Variants in NRXN3 observed in about 807,000 individuals in gnomAD.
NRXN3 encodes the protein neurexin 3.
A neutral mutation model predicts 137.6 loss-of-function variants in NRXN3; 32 were observed. That is an observed-to-expected ratio of 0.23 (90% CI 0.18 to 0.31). The LOEUF (loss-of-function observed/expected upper bound fraction) is 0.31, where lower values mean the gene tolerates loss of function less well. Ranked by LOEUF, NRXN3 falls within the 10% of genes least tolerant of loss-of-function variation. NRXN3 has a pLI of 1.00. For synonymous variants in NRXN3, 798 were observed against 784.5 expected, an observed-to-expected ratio of 1.02 and a Z score of -0.29; for missense variants, 1,574 against 2,062.5, an observed-to-expected ratio of 0.76 and a Z score of 4.59.
chr14:79,842,138 C>G (rs984967178), intron 20 of NRXN3, among the ~76,000 whole-genome samples: 2 of 152,176 alleles, frequency 1.3e-5, no homozygotes, highest in Admixed American at 6.6e-5. Flanking sequence ...TACTATGTGC[C>G]TGGCGCTGTT....
intron 16 of NRXN3, among the ~76,000 whole-genome samples, chr14:79,590,974 C>A (rs887510617): frequency 2.0e-5 from 3 of 152,156 alleles, no homozygotes; most frequent in African/African-American, 7.2e-5. Flanking sequence ...AACAAAACCC[C>A]CTTCTTTTTC....
intron 4 of NRXN3, among the ~76,000 whole-genome samples, chr14:78,448,829 A>G (rs1351168283): frequency 6.6e-6 from 1 of 152,102 alleles, no homozygotes; most frequent in African/African-American, 2.4e-5. Context: ...TATGATGTAT[A>G]AAGATGAAAC....
At chr14:79,374,535 A>G (rs1317606400) in intron 15 of NRXN3, among the ~76,000 whole-genome samples, 5 of 152,028 alleles carry the variant, frequency 3.3e-5, no homozygotes, top group South Asian at 2.1e-4. Flanking sequence ...TTAATCCTGC[A>G]TAATGTGGCT....
chr14:79,610,637 A>G (rs891782855), intron 16 of NRXN3, among the ~76,000 whole-genome samples: 1 of 152,138 alleles, frequency 6.6e-6, no homozygotes. Flanking sequence ...TGCTTCATCA[A>G]TATTTGTGTT....
chr14:79,065,216 A>G (rs1244503937), intron 15 of NRXN3, among the ~76,000 whole-genome samples: 3 of 152,202 alleles, frequency 2.0e-5, no homozygotes, highest in East Asian at 3.9e-4. Context: ...TTTTTGATGT[A>G]TAGGTCCCTG....
intron 10 of NRXN3, among the ~76,000 whole-genome samples, chr14:78,826,137 C>G (rs1179403764): frequency 6.6e-6 from 1 of 152,206 alleles, no homozygotes; most frequent in Non-Finnish European, 1.5e-5. Flanking sequence ...ATGGAGGATA[C>G]AGGACCATTT....
intron 4 of NRXN3, among the ~76,000 whole-genome samples, chr14:78,415,969 C>G (rs139982721): frequency 1.2e-4 from 19 of 152,158 alleles, no homozygotes; most frequent in African/African-American, 4.6e-4. Flanking sequence ...CTGCTGTACT[C>G]TGTTATAGCA....
At chr14:78,478,341 G>A (rs2095415177) in intron 4 of NRXN3, among the ~76,000 whole-genome samples, 1 of 152,036 alleles carries the variant, frequency 6.6e-6, no homozygotes, top group South Asian at 2.1e-4. Flanking sequence ...TACTGTGTGG[G>A]GCCAACATGG....
chr14:78,446,516 A>T (rs573211855), intron 4 of NRXN3, among the ~76,000 whole-genome samples: 1 of 152,292 alleles, frequency 6.6e-6, no homozygotes, highest in South Asian at 2.1e-4. Flanking sequence ...TTGATGACAT[A>T]ACATTTAAGT....
At chr14:78,796,307 A>C (rs545583912) in intron 8 of NRXN3, among the ~76,000 whole-genome samples, 1 of 152,310 alleles carries the variant, frequency 6.6e-6, no homozygotes, top group Admixed American at 6.5e-5. Flanking sequence ...ATACAATGGT[A>C]GTGTCACTCG....
intron 20 of NRXN3, among the ~76,000 whole-genome samples, chr14:79,820,879 G>A (rs1168795069): frequency 1.3e-5 from 2 of 152,120 alleles, no homozygotes; most frequent in Non-Finnish European, 2.9e-5. Flanking sequence ...AAACCCCAGA[G>A]GGAGCATAAG....
At chr14:78,868,906 G>A (rs547769866) in intron 10 of NRXN3, among the ~76,000 whole-genome samples, 3 of 152,202 alleles carry the variant, frequency 2.0e-5, no homozygotes, top group Admixed American at 1.3e-4. Flanking sequence ...GCATCATAAT[G>A]GAATTCTGTT....
intron 15 of NRXN3, among the ~76,000 whole-genome samples, chr14:79,460,430 T>G (rs1268562201): frequency 1.3e-5 from 2 of 152,142 alleles, no homozygotes; most frequent in Non-Finnish European, 2.9e-5. Context: ...GGTAGAATGT[T>G]ATTTGTTTTA....
chr14:78,913,552 A>G (rs745804399), intron 10 of NRXN3, among the ~76,000 whole-genome samples: 1 of 152,038 alleles, frequency 6.6e-6, no homozygotes, highest in Non-Finnish European at 1.5e-5. Flanking sequence ...TGCTGGGATT[A>G]TAGATGTGAG....
Position 78,238,375 on chromosome 14 carries a change from C to T in NRXN3, c.-703-4016C>T, listed in dbSNP as rs534099018. Among the ~76,000 whole-genome samples the T allele has an allele frequency of 8.5e-5, 13 of 152,310 alleles. 1 individual carries two copies. Among genetic ancestry groups the T allele is most frequent in the African/African-American group, 1.7e-4 (7 of 41,576 alleles). On this transcript the variant is annotated intron_variant, in intron 1 of 20. Coordinates refer to ENST00000335750, the MANE Select transcript of NRXN3 (RefSeq NM_001330195.2). ...GGCTCTGGGGCAAACCACCTGTGTG[C>T]GTGGCTGCCTGCGTTCTCCTATGGT... is the stretch of plus-strand genomic sequence containing the variant.
intron 16 of NRXN3, among the ~76,000 whole-genome samples, chr14:79,490,960 T>A (rs973211740): frequency 1.4e-4 from 22 of 151,926 alleles, no homozygotes; most frequent in African/African-American, 1.7e-4. Flanking sequence ...CCCACAAATT[T>A]AAAAAAAATG....
chr14:79,799,407 T>C (rs1209011052), intron 19 of NRXN3, among the ~76,000 whole-genome samples: 1 of 152,162 alleles, frequency 6.6e-6, no homozygotes, highest in East Asian at 1.9e-4. Flanking sequence ...CTATAAACCA[T>C]GTGTAGTAGC....
rs555296413 is a variant in NRXN3 at position 79,039,896 on chromosome 14, A to G, written c.3262+51755A>G. On this transcript the variant is annotated intron_variant, in intron 15 of 20. Coordinates refer to ENST00000335750, the MANE Select transcript of NRXN3 (RefSeq NM_001330195.2). ...TGTGTGTACTTTTTGTAGAGACAGG[A>G]TCTTGCTAGGTTGCCCAGGCTGGTC... 2.6e-5 allele frequency among the ~76,000 whole-genome samples: 4 copies of G among 152,080 alleles called. No individual in the cohort carries two copies. In the East Asian group the frequency reaches 7.8e-4, roughly 30 times the overall value.
intron 16 of NRXN3, among the ~76,000 whole-genome samples, chr14:79,487,410 G>A (rs2096667532): frequency 6.6e-6 from 1 of 152,048 alleles, no homozygotes; most frequent in Non-Finnish European, 1.5e-5. Flanking sequence ...AGACACCGAG[G>A]CCCATGTTTA....
Sources: allele counts gnomAD v4.1 joint callset (sites outside exome capture counted in the v4.1 genomes callset), GRCh38; gene constraint gnomAD v4.1.1; transcripts MANE v1.5; gene names NCBI Gene and HGNC (gene_info 2026-07-23, HGNC 2026-07-21).